Variants in KCNQ5 observed in about 807,000 individuals in gnomAD.
KCNQ5 encodes potassium voltage-gated channel subfamily Q member 5, also known as potassium voltage-gated channel subfamily KQT member 5.
Under a neutral mutation model 98.2 loss-of-function variants are expected in KCNQ5, and 30 were observed. The observed-to-expected ratio is 0.31, with a 90% CI of 0.23 to 0.41. The LOEUF is 0.41. KCNQ5 is among the 10% of genes least tolerant of loss of function. The pLI is 1.00. For missense variants in KCNQ5, 835 were observed against 1,182.5 expected, an observed-to-expected ratio of 0.71 and a Z score of 4.31; for synonymous variants, 458 against 449.4, an observed-to-expected ratio of 1.02 and a Z score of -0.24.
At chr6:72,649,703 G>A (rs1410424244) in intron 1 of KCNQ5, among the ~76,000 whole-genome samples, 2 of 152,096 alleles carry the variant, frequency 1.3e-5, no homozygotes, top group Non-Finnish European at 2.9e-5. Context: ...CAATCATTTA[G>A]GATGGTGTAA....
At chr6:72,743,864 G>A (rs1771247610) in intron 1 of KCNQ5, among the ~76,000 whole-genome samples, 1 of 152,150 alleles carries the variant, frequency 6.6e-6, no homozygotes, top group African/African-American at 2.4e-5. Context: ...ATGGTAGACT[G>A]AGTAGGTTTT....
chr6:73,099,677 T>TA (rs1408412260), intron 5 of KCNQ5, among the ~76,000 whole-genome samples: 2 of 152,102 alleles, frequency 1.3e-5, no homozygotes, highest in African/African-American at 4.8e-5. Flanking sequence ...CCCAGATATA[T>TA]AAAGCAAATA....
At position 73,077,904 on chromosome 6, in the gene KCNQ5, AT is replaced by A. The variant is rs770161945; in HGVS notation, c.918+23del. 20 of 1,564,262 alleles carry A rather than the reference AT, an allele frequency of 1.3e-5. No homozygotes were observed. Among genetic ancestry groups the A allele is most frequent in the East Asian group, 2.3e-5 (1 of 44,346 alleles). ...TGGGGCACAGTAAGTATAAAAATACATTTTTTATTTATTGGATGTTGTGAAT... is the reference window on the plus strand; with the variant it reads ...TGGGGCACAGTAAGTATAAAAATACATTTTTATTTATTGGATGTTGTGAAT... On this transcript the variant is annotated intron_variant, in intron 5 of 13. Coordinates refer to ENST00000370398, the MANE Select transcript of KCNQ5 (RefSeq NM_019842.4).
intron 1 of KCNQ5, among the ~76,000 whole-genome samples, chr6:72,980,875 G>A (rs1170627209): frequency 6.6e-6 from 1 of 150,782 alleles, no homozygotes; most frequent in African/African-American, 2.4e-5. Context: ...TGAGAGGGCT[G>A]TTGAATTTTG....
intron 13 of KCNQ5, among the ~76,000 whole-genome samples, chr6:73,193,535 A>G (rs1765678342): frequency 6.7e-6 from 1 of 150,372 alleles, no homozygotes; most frequent in African/African-American, 2.4e-5. Context: ...ATAAAACTTT[A>G]TTATAATTCT....
Position 73,190,678 on chromosome 6 carries a change from G to A in KCNQ5, c.1683G>A (p.Leu561=). ...ATTCTGCTGGTCATCTGGACATGTT[G>A]TGTAGAATTAAAAGCCTTCAAACAC... ...EQYSAGHLDM[L]CRIKSLQTRV... The change falls in exon 12 of 14, where the codon TTG becomes TTA. Residue 561 remains leucine (L), a synonymous_variant. Transcript: ENST00000370398. The A allele has an allele frequency of 6.3e-7, 1 of 1,590,674 alleles. No individual in the cohort carries two copies. The highest frequency in any genetic ancestry group is 8.6e-7 in the Non-Finnish European group (1 of 1,166,564).
intron 6 of KCNQ5, among the ~76,000 whole-genome samples, chr6:73,107,619 G>A (rs1261452324): frequency 1.3e-5 from 2 of 152,070 alleles, no homozygotes; most frequent in Non-Finnish European, 2.9e-5. Context: ...CAAAAAGGCA[G>A]TCCCCATAAT....
chr6:72,895,087 G>A (rs1422480137), intron 1 of KCNQ5, among the ~76,000 whole-genome samples: 4 of 145,396 alleles, frequency 2.8e-5, no homozygotes, highest in Non-Finnish European at 6.0e-5. Flanking sequence ...GACCATCCTG[G>A]CTAACACGGT....
chr6:72,753,623 T>C (rs945929301), intron 1 of KCNQ5, among the ~76,000 whole-genome samples: 1 of 152,130 alleles, frequency 6.6e-6, no homozygotes, highest in Admixed American at 6.6e-5. Context: ...ATTTTAGCCA[T>C]TCTACTTGGC....
chr6:72,697,686 A>C (rs1768571524), intron 1 of KCNQ5, among the ~76,000 whole-genome samples: 1 of 152,188 alleles, frequency 6.6e-6, no homozygotes, highest in South Asian at 2.1e-4. Flanking sequence ...ACATGAGTTT[A>C]GTTACTGCAG....
At chr6:72,806,794 C>T (rs1774982181) in intron 1 of KCNQ5, 4 of 451,482 alleles carry the variant, frequency 8.9e-6, no homozygotes, top group South Asian at 4.7e-5. Context: ...TTGCTCCTTG[C>T]ATGGTAAACC....
chr6:72,887,111 G>C (rs1307592866), intron 1 of KCNQ5, among the ~76,000 whole-genome samples: 4 of 152,148 alleles, frequency 2.6e-5, no homozygotes, highest in African/African-American at 9.7e-5. Context: ...AATGTTCTAA[G>C]AAAGAAGGAA....
chr6:73,154,526 T>C (rs1161859487), intron 10 of KCNQ5, among the ~76,000 whole-genome samples: 1 of 152,188 alleles, frequency 6.6e-6, no homozygotes, highest in Non-Finnish European at 1.5e-5. Flanking sequence ...TTTATATTAA[T>C]ATGGATGATA....
chr6:72,903,283 G>T (rs1230030899), intron 1 of KCNQ5, among the ~76,000 whole-genome samples: 1 of 151,986 alleles, frequency 6.6e-6, no homozygotes, highest in East Asian at 1.9e-4. Flanking sequence ...CAAATAACCA[G>T]CTTTTTGTTT....
intron 1 of KCNQ5, among the ~76,000 whole-genome samples, chr6:72,857,277 T>C (rs1777571701): frequency 6.6e-6 from 1 of 152,256 alleles, no homozygotes; most frequent in Non-Finnish European, 1.5e-5. Context: ...TTTATTCTTT[T>C]TTTTCATTTC....
intron 6 of KCNQ5, among the ~76,000 whole-genome samples, chr6:73,106,739 A>G (rs1040729428): frequency 3.9e-5 from 6 of 152,230 alleles, no homozygotes; most frequent in African/African-American, 1.4e-4. Context: ...ACTTCAACAT[A>G]TGAATTTTGG....
chr6:72,749,197 T>C (rs573750781), intron 1 of KCNQ5, among the ~76,000 whole-genome samples: 32 of 152,304 alleles, frequency 2.1e-4, no homozygotes, highest in African/African-American at 6.5e-4. Flanking sequence ...CATTTAAAGT[T>C]GAATCCTTGC....
chr6:72,828,554 T>C (rs1776102721), intron 1 of KCNQ5, among the ~76,000 whole-genome samples: 1 of 152,136 alleles, frequency 6.6e-6, no homozygotes, highest in Admixed American at 6.6e-5. Flanking sequence ...TGCTACTCAT[T>C]TTTGTATATT....
Position 73,195,128 on chromosome 6 carries a change from C to A in KCNQ5, c.2513C>A (p.Ser838Ter). The A allele has an allele frequency of 1.2e-6, 2 of 1,614,128 alleles. No individual in the cohort carries two copies. The highest frequency in any genetic ancestry group is 2.2e-5 in the South Asian group (2 of 91,030). Residue 838 changes from serine (S) to a stop codon, truncating the protein, a stop_gained, in exon 14 of 14, where the codon TCG (serine) becomes TAG (stop). Transcript: ENST00000370398. LOFTEE classifies it high-confidence loss of function. ...KSLSVQNLIR[S>*]TEELNIQLSG... The stretch of plus-strand genomic sequence containing the variant: ...TTGTCTGTGCAAAACCTGATCAGGT[C>A]GACCGAGGAACTGAATATACAACTT...
Sources: allele counts gnomAD v4.1 joint callset (sites outside exome capture counted in the v4.1 genomes callset), GRCh38; gene constraint gnomAD v4.1.1; transcripts MANE v1.5; gene names NCBI Gene and HGNC (gene_info 2026-07-23, HGNC 2026-07-21).